GRIP1: variants seen among roughly 807,000 people sequenced by gnomAD.
The protein encoded by GRIP1 is glutamate receptor-interacting protein 1.
In GRIP1, 45 loss-of-function variants were observed where a neutral mutation model predicts 129.9. The ratio of observed to expected loss-of-function variants is 0.35; its 90% confidence interval spans 0.27 to 0.44. GRIP1 has a LOEUF of 0.44. GRIP1 is among the 20% of genes least tolerant of loss of function. The pLI is 1.00. For missense variants in GRIP1, 1,196 were observed against 1,396.8 expected, an observed-to-expected ratio of 0.86 and a Z score of 2.29; for synonymous variants, 530 against 520.8, an observed-to-expected ratio of 1.02 and a Z score of -0.24.
chr12:66,798,055 G>A (rs1184570268), intron 1 of GRIP1, among the ~76,000 whole-genome samples: 4 of 152,070 alleles, frequency 2.6e-5, no homozygotes, highest in South Asian at 2.1e-4. Flanking sequence ...CTCTTCCAAG[G>A]GGAATGAAAA....
At chr12:66,785,327 CATACATACATACATACAT>C (rs2038293569) in intron 1 of GRIP1, among the ~76,000 whole-genome samples, 1 of 38,500 alleles carries the variant, frequency 2.6e-5, no homozygotes, top group Admixed American at 3.8e-4. Context: ...TACATACATA[CATACATACATACATACAT>C]ATATATATAT....
chr12:66,961,459 C>T (rs1566096112), intron 1 of GRIP1, among the ~76,000 whole-genome samples: 1 of 152,100 alleles, frequency 6.6e-6, no homozygotes, highest in Non-Finnish European at 1.5e-5. Flanking sequence ...AAGCAGCTTG[C>T]TCCAGAAACA....
chr12:66,608,729 C>T (rs992571863), intron 1 of GRIP1, among the ~76,000 whole-genome samples: 3 of 152,032 alleles, frequency 2.0e-5, no homozygotes, highest in Admixed American at 6.6e-5. Context: ...TGTGTGACCT[C>T]GGACAGGTTC....
At chr12:67,039,769 G>A (rs754752241) in intron 1 of GRIP1, among the ~76,000 whole-genome samples, 11 of 152,122 alleles carry the variant, frequency 7.2e-5, no homozygotes, top group African/African-American at 1.2e-4. Context: ...AGGGATCCTT[G>A]CATGCACAGT....
At chr12:66,503,165 A>G (rs2060437509) in intron 7 of GRIP1, among the ~76,000 whole-genome samples, 1 of 152,172 alleles carries the variant, frequency 6.6e-6, no homozygotes, top group South Asian at 2.1e-4. Flanking sequence ...CTTCCCAAAC[A>G]GATAAAAACA....
intron 1 of GRIP1, among the ~76,000 whole-genome samples, chr12:66,722,901 T>C (rs191662030): frequency 2.6e-5 from 4 of 152,304 alleles, no homozygotes; most frequent in African/African-American, 9.6e-5. Context: ...GTATTTCTAT[T>C]ATGCTTGCCT....
chr12:66,942,112 T>C (rs1406728425), intron 1 of GRIP1, among the ~76,000 whole-genome samples: 6 of 152,198 alleles, frequency 3.9e-5, no homozygotes, highest in Admixed American at 3.3e-4. Context: ...ACAATGACTA[T>C]AGATAGGTAT....
chr12:66,423,839 AAAGCTTATT>A, intron 14 of GRIP1, among the ~76,000 whole-genome samples: 1 of 152,300 alleles, frequency 6.6e-6, no homozygotes, highest in East Asian at 1.9e-4. Flanking sequence ...AAGGGCAATA[AAAGCTTATT>A]AAGTTCTGAA....
intron 1 of GRIP1, among the ~76,000 whole-genome samples, chr12:67,050,438 T>C (rs1336328031): frequency 6.6e-6 from 1 of 152,198 alleles, no homozygotes; most frequent in East Asian, 1.9e-4. Context: ...CATATTCACA[T>C]TTGTGTTTCC....
At chr12:66,546,200 G>T (rs1001533368) in intron 2 of GRIP1, among the ~76,000 whole-genome samples, 1 of 152,210 alleles carries the variant, frequency 6.6e-6, no homozygotes, top group Non-Finnish European at 1.5e-5. Context: ...AATAAAGACT[G>T]TGTGGTAGGC....
At chr12:66,565,640 G>GT (rs530082936) in intron 2 of GRIP1, among the ~76,000 whole-genome samples, 8 of 152,208 alleles carry the variant, frequency 5.3e-5, no homozygotes, top group African/African-American at 1.7e-4. Flanking sequence ...CTTTAAAATA[G>GT]TTTTTTTCCA....
chr12:66,752,459 A>G (rs2037158342), intron 1 of GRIP1, among the ~76,000 whole-genome samples: 2 of 152,198 alleles, frequency 1.3e-5, no homozygotes, highest in African/African-American at 2.4e-5. Context: ...TCAAAATATC[A>G]TATTTTCCAA....
At chr12:66,401,598 G>GTGTATATATATATATA (rs71096098) in intron 16 of GRIP1, among the ~76,000 whole-genome samples, 3,996 of 65,986 alleles carry the variant, frequency 0.061, 312 homozygotes, top group Admixed American at 0.087. Context: ...AAATATGTGT[G>GTGTATATATATATATA]TATATATATA....
At chr12:66,456,163 G>A (rs937484968) in intron 10 of GRIP1, 24 bp downstream of exon 10, 43 of 1,264,308 alleles carry the variant, frequency 3.4e-5, no homozygotes, top group Non-Finnish European at 4.0e-5. Flanking sequence ...TAAAAGACCA[G>A]GAGGAGAAAG....
chr12:66,576,828 C>T (rs890635266), intron 2 of GRIP1, among the ~76,000 whole-genome samples: 1 of 151,966 alleles, frequency 6.6e-6, no homozygotes, highest in Non-Finnish European at 1.5e-5. Context: ...AGAGTACTAC[C>T]CCTCAAGGGT....
exon 1 of GRIP1, chr12:66,804,061 T>C (rs912001665): frequency 6.6e-6 from 3 of 454,124 alleles, no homozygotes; most frequent in African/African-American, 6.0e-5. Context: ...ACTTCGAAAA[T>C]GCTCTGAAGC....
intron 12 of GRIP1, 151 bp downstream of exon 12, chr12:66,445,171 T>C (rs140955814): frequency 2.1e-4 from 152 of 739,906 alleles, no homozygotes; most frequent in African/African-American, 2.0e-3. Flanking sequence ...TCAAACCTGA[T>C]CAAGAACATA....
At chr12:66,448,290 T>C (rs188730907) in intron 11 of GRIP1, among the ~76,000 whole-genome samples, 8 of 152,274 alleles carry the variant, frequency 5.3e-5, no homozygotes, top group Admixed American at 2.0e-4. Context: ...AATCTCAAAG[T>C]AGCCTTAACT....
At chr12:66,797,135 A>G (rs2038721698) in intron 1 of GRIP1, among the ~76,000 whole-genome samples, 1 of 152,196 alleles carries the variant, frequency 6.6e-6, no homozygotes, top group Non-Finnish European at 1.5e-5. Context: ...TAAAAATTCT[A>G]TTATATTCTA....
Sources: gnomAD v4.1 joint callset for allele counts (sites outside exome capture counted in the v4.1 genomes callset) on GRCh38, gnomAD v4.1.1 for gene constraint, MANE v1.5 for transcripts, NCBI Gene and HGNC (gene_info 2026-07-23, HGNC 2026-07-21) for gene names.